The following UTY variants were observed in gnomAD, a reference collection of about 807,000 sequenced individuals.
UTY encodes the protein histone demethylase UTY.
In UTY, 12 loss-of-function variants were observed where a neutral mutation model predicts 32.5. That is an observed-to-expected ratio of 0.37 (90% CI 0.24 to 0.60). The LOEUF (loss-of-function observed/expected upper bound fraction) is 0.60, where lower values mean the gene tolerates loss of function less well. Among genes scored for constraint, UTY ranks in the 20% least tolerant of loss-of-function variants. UTY has a pLI of 0.69. For synonymous variants in UTY, 131 were observed against 103.4 expected, an observed-to-expected ratio of 1.27 and a Z score of -1.62; for missense variants, 303 against 299.2, an observed-to-expected ratio of 1.01 and a Z score of -0.09.
At chrY:13,450,530 TA>T (rs2076232899) in intron 3 of UTY, among the ~76,000 whole-genome samples, 1 of 33,119 alleles carries the variant, frequency 3.0e-5, no homozygotes, top group African/African-American at 1.2e-4. Flanking sequence ...GAAACTATAT[TA>T]AAAACAAGCA....
intron 28 of UTY, among the ~76,000 whole-genome samples, chrY:13,251,633 T>C: frequency 3.0e-5 from 1 of 33,338 alleles, no homozygotes; most frequent in Non-Finnish European, 7.4e-5. Context: ...TCATTTTTGA[T>C]GTCTAGGGCA....
At chrY:13,423,266 A>G (rs762415517) in intron 4 of UTY, among the ~76,000 whole-genome samples, 1 of 33,436 alleles carries the variant, frequency 3.0e-5, no homozygotes, top group Non-Finnish European at 7.4e-5. Context: ...CAGAAACCAC[A>G]GGGTAAAAAA....
intron 6 of UTY, among the ~76,000 whole-genome samples, chrY:13,404,064 A>G: frequency 3.0e-5 from 1 of 33,820 alleles, no homozygotes; most frequent in Non-Finnish European, 7.4e-5. Context: ...ACAGGTAACT[A>G]CATGCCTACT....
At chrY:13,424,221 C>T in intron 4 of UTY, among the ~76,000 whole-genome samples, 1 of 32,515 alleles carries the variant, frequency 3.1e-5, no homozygotes, top group African/African-American at 1.2e-4. Context: ...GCCTGGCCAA[C>T]GCAGTTAAAC....
chrY:13,430,556 A>G (rs768412720), intron 4 of UTY, among the ~76,000 whole-genome samples: 1 of 32,817 alleles, frequency 3.0e-5, no homozygotes, highest in South Asian at 6.7e-4. Context: ...TGTGTTATCA[A>G]TTGTGATCTC....
intron 28 of UTY, among the ~76,000 whole-genome samples, chrY:13,235,590 A>G: frequency 2.9e-5 from 1 of 33,962 alleles, no homozygotes; most frequent in East Asian, 7.6e-4. Flanking sequence ...GGTATTATAC[A>G]AAAATAAAGC....
At chrY:13,286,368 A>G in intron 27 of UTY, among the ~76,000 whole-genome samples, 4 of 33,649 alleles carry the variant, frequency 1.2e-4, no homozygotes, top group African/African-American at 4.7e-4. Flanking sequence ...TTGTTTATAT[A>G]ATGCTATTCT....
Position 13,396,908 on chromosome Y carries a change from A to T in UTY, c.610+10T>A. ...CTTTACTCAAAAGTATTTCATTTAA[A>T]AATACTTACTTTCAGCATTGGACAA... On this transcript the variant is annotated intron_variant, in intron 7 of 29. Transcript: ENST00000545955. The T allele has an allele frequency of 2.9e-6, 1 of 342,100 alleles. No homozygotes were observed. The highest frequency in any genetic ancestry group is 4.1e-6 in the Non-Finnish European group (1 of 244,115). 85.3% of individuals were successfully genotyped at this position (342,100 alleles called of 400,897 possible).
At chrY:13,322,325 A>T in intron 21 of UTY, among the ~76,000 whole-genome samples, 1 of 33,578 alleles carries the variant, frequency 3.0e-5, no homozygotes, top group Non-Finnish European at 7.4e-5. Context: ...TCACTCTGTC[A>T]ACCAGGCTGG....
chrY:13,380,029 A>ATGTG lies in UTY; in HGVS notation c.646-10684_646-10681dup, dbSNP rs1569486958. Among the ~76,000 whole-genome samples the ATGTG allele has an allele frequency of 2.3e-3, 12 of 5,142 alleles. No homozygotes were observed. The East Asian group carries it at 0.032, about 14-fold the overall frequency. 13.8% of individuals were successfully genotyped at this position (5,142 alleles called of 37,273 possible). On this transcript the variant is annotated intron_variant, in intron 8 of 29. Transcript: ENST00000545955. ...CACATCTATATATATATATATATAG[A>ATGTG]TGTGTGTGTGTGTGTGTGTGTGTGT...
At chrY:13,461,727 A>G (rs2077381816) in intron 3 of UTY, among the ~76,000 whole-genome samples, 2 of 33,839 alleles carry the variant, frequency 5.9e-5, no homozygotes, top group African/African-American at 2.3e-4. Flanking sequence ...CTCCTGTCTC[A>G]ATGGGTTCAA....
chrY:13,425,244 A>G, intron 4 of UTY, among the ~76,000 whole-genome samples: 1 of 33,930 alleles, frequency 2.9e-5, no homozygotes, highest in Non-Finnish European at 7.3e-5. Context: ...AAGCATAAAT[A>G]CTCTCAGAAA....
At chrY:13,415,002 CT>C (rs1179756424) in intron 4 of UTY, among the ~76,000 whole-genome samples, 4 of 26,662 alleles carry the variant, frequency 1.5e-4, no homozygotes, top group Admixed American at 6.9e-4. Flanking sequence ...AGGTAGTTAC[CT>C]TTTTTTTTTT....
At chrY:13,378,941 G>A (rs2065689286) in intron 8 of UTY, among the ~76,000 whole-genome samples, 1 of 32,300 alleles carries the variant, frequency 3.1e-5, no homozygotes, top group Non-Finnish European at 7.5e-5. Flanking sequence ...TGCCCACCTT[G>A]TGCTCCCAAA....
chrY:13,326,172 A>G, intron 19 of UTY, 49 bp downstream of exon 19: 1 of 387,496 alleles, frequency 2.6e-6, no homozygotes, highest in Non-Finnish European at 3.6e-6. Context: ...TACAAGACAC[A>G]TTAGTTCAGA....
intron 28 of UTY, among the ~76,000 whole-genome samples, chrY:13,256,546 T>C: frequency 3.0e-5 from 1 of 33,641 alleles, no homozygotes; most frequent in African/African-American, 1.2e-4. Flanking sequence ...TTTAAACCAA[T>C]TGAAGGTGCT....
rs769399894 is a variant in UTY at position 13,418,748 on chromosome Y, C to T, written c.376-3955G>A. Among the ~76,000 whole-genome samples the T allele has an allele frequency of 1.5e-4, 5 of 33,928 alleles. No homozygotes were observed. In the East Asian group the frequency reaches 3.8e-3, roughly 26 times the overall value. 91.0% of individuals were successfully genotyped at this position (33,928 alleles called of 37,273 possible). On this transcript the variant is annotated intron_variant, in intron 4 of 29. Coordinates refer to ENST00000545955, the MANE Select transcript of UTY (RefSeq NM_001258249.2). ...TTTTAAACTCAGAAAAGTCATCTAG[C>T]CATTACATTTTTAGGTTTTTAGACG...
intron 3 of UTY, among the ~76,000 whole-genome samples, chrY:13,449,818 G>GA: frequency 3.0e-5 from 1 of 32,891 alleles, no homozygotes; most frequent in Non-Finnish European, 7.5e-5. Context: ...TGAAAAAAAT[G>GA]AAAAAAAATT....
chrY:13,343,739 T>G (rs752455385), intron 17 of UTY, among the ~76,000 whole-genome samples: 8 of 33,050 alleles, frequency 2.4e-4, no homozygotes, highest in Admixed American at 1.9e-3. Context: ...GCCTGCCCTC[T>G]GCTGGTCGGA....
Sources: allele counts gnomAD v4.1 joint callset (sites outside exome capture counted in the v4.1 genomes callset), GRCh38; gene constraint gnomAD v4.1.1; transcripts MANE v1.5; gene names NCBI Gene and HGNC (gene_info 2026-07-23, HGNC 2026-07-21).